ATF7IP2: variants seen among roughly 807,000 people sequenced by gnomAD.
ATF7IP2 encodes activating transcription factor 7 interacting protein 2.
ATF7IP2 carries 42 observed loss-of-function variants against 64.2 expected under a neutral mutation model. The ratio of observed to expected loss-of-function variants is 0.65; its 90% CI spans 0.51 to 0.85. ATF7IP2 has a LOEUF of 0.85. Ranked by LOEUF, ATF7IP2 falls within the 40% of genes least tolerant of loss-of-function variation. The probability of loss-of-function intolerance (pLI) is 0.00; values close to 1 mark genes in which losing one functional copy is unlikely to be tolerated. For missense variants in ATF7IP2, 933 were observed against 784.2 expected (o/e 1.19, Z -2.27); for synonymous variants, 308 against 272.8 (o/e 1.13, Z -1.27).
At chr16:10,393,004 G>T (rs1596416245) in intron 1 of ATF7IP2, among the ~76,000 whole-genome samples, 1 of 151,574 alleles carries the variant, frequency 6.6e-6, no homozygotes, top group South Asian at 2.1e-4. Context: ...AAAGAAAAAT[G>T]AAGTTTTAAA....
At chr16:10,478,026 A>C (rs1431934830) in intron 12 of ATF7IP2, among the ~76,000 whole-genome samples, 1 of 150,550 alleles carries the variant, frequency 6.6e-6, no homozygotes, top group Non-Finnish European at 1.5e-5. Context: ...ATGGAAGAAC[A>C]TTCCATGCTC....
chr16:10,434,993 C>T (rs1157758697), intron 6 of ATF7IP2, among the ~76,000 whole-genome samples: 2 of 152,178 alleles, frequency 1.3e-5, no homozygotes, highest in African/African-American at 2.4e-5. Context: ...TGGTCTTGAA[C>T]AGCAGTTTCA....
intron 8 of ATF7IP2, among the ~76,000 whole-genome samples, chr16:10,442,756 C>T (rs1274917115): frequency 1.3e-5 from 1 of 75,688 alleles, no homozygotes; most frequent in East Asian, 6.3e-4. Context: ...ATATCTAGTG[C>T]CATTCTATTT....
chr16:10,416,444 G>T (rs2047879717), intron 2 of ATF7IP2, among the ~76,000 whole-genome samples: 1 of 152,090 alleles, frequency 6.6e-6, no homozygotes, highest in African/African-American at 2.4e-5. Context: ...ACCATAGGCT[G>T]GGAAAGGTAT....
intron 2 of ATF7IP2, among the ~76,000 whole-genome samples, chr16:10,417,473 A>C (rs1476064061): frequency 6.6e-5 from 10 of 152,232 alleles, no homozygotes; most frequent in Admixed American, 6.5e-4. Flanking sequence ...AAAGCAGTAA[A>C]GAAAGACAAA....
intron 5 of ATF7IP2, among the ~76,000 whole-genome samples, chr16:10,432,753 T>C (rs949221297): frequency 7.9e-5 from 12 of 152,126 alleles, no homozygotes; most frequent in Non-Finnish European, 5.9e-5. Flanking sequence ...GCACCTATTA[T>C]TATTATCGCA....
At chr16:10,444,704 A>AT (rs1462080393) in intron 8 of ATF7IP2, among the ~76,000 whole-genome samples, 1 of 152,102 alleles carries the variant, frequency 6.6e-6, no homozygotes, top group African/African-American at 2.4e-5. Context: ...AGTTTGGTTC[A>AT]TTTTTTTCTA....
Position 10,436,096 on chromosome 16 carries a change from C to T in ATF7IP2, c.961-2005C>T, listed in dbSNP as rs12924325. ...ATAGTATTGGCCGGGCGTGGTGGCT[C>T]ACGCTTATAATCCTAGCACTTTGGG... On this transcript the variant is annotated intron_variant, in intron 6 of 13. Transcript: ENST00000562102. 6.7e-3 allele frequency among the ~76,000 whole-genome samples: 1,026 copies of T among 152,282 alleles called. 7 individuals carry two copies. Among genetic ancestry groups the T allele is most frequent in the Non-Finnish European group, 9.8e-3 (669 of 68,026 alleles).
intron 3 of ATF7IP2, among the ~76,000 whole-genome samples, chr16:10,422,141 A>G (rs952484303): frequency 2.0e-5 from 3 of 152,138 alleles, no homozygotes; most frequent in Non-Finnish European, 4.4e-5. Flanking sequence ...CCTTTTTCTA[A>G]TTGTTCAGTA....
At chr16:10,433,237 A>T (rs1014518779) in intron 5 of ATF7IP2, among the ~76,000 whole-genome samples, 3 of 152,064 alleles carry the variant, frequency 2.0e-5, no homozygotes, top group African/African-American at 7.2e-5. Context: ...AGAGTGCAGT[A>T]GTCAAGGTGC....
intron 10 of ATF7IP2, among the ~76,000 whole-genome samples, chr16:10,473,241 A>G (rs1398245160): frequency 6.6e-6 from 1 of 152,230 alleles, no homozygotes; most frequent in Non-Finnish European, 1.5e-5. Flanking sequence ...GATTTTCAAA[A>G]AAAGAGTTAC....
At chr16:10,406,950 T>C (rs1176938821) in intron 1 of ATF7IP2, among the ~76,000 whole-genome samples, 1 of 151,954 alleles carries the variant, frequency 6.6e-6, no homozygotes, top group Non-Finnish European at 1.5e-5. Flanking sequence ...CACATAAAAA[T>C]AAATAAAATT....
intron 1 of ATF7IP2, among the ~76,000 whole-genome samples, chr16:10,412,849 G>T (rs1182987951): frequency 6.6e-6 from 1 of 152,046 alleles, no homozygotes; most frequent in African/African-American, 2.4e-5. Flanking sequence ...TCCAGTGTTA[G>T]GTACTTATAT....
At chr16:10,432,827 A>G (rs2048301920) in intron 5 of ATF7IP2, among the ~76,000 whole-genome samples, 1 of 152,138 alleles carries the variant, frequency 6.6e-6, no homozygotes, top group Non-Finnish European at 1.5e-5. Context: ...GCACTGAGCC[A>G]AGATCGTGCC....
chr16:10,439,793 CAA>C (rs2048550923), intron 7 of ATF7IP2, among the ~76,000 whole-genome samples: 1 of 151,610 alleles, frequency 6.6e-6, no homozygotes, highest in Admixed American at 6.6e-5. Context: ...CTCGGCTTCC[CAA>C]AGTGCTGGAA....
chr16:10,481,912 G>T lies in ATF7IP2; in HGVS notation c.1712G>T (p.Arg571Leu). 3 of 1,613,886 alleles carry T rather than the reference G, an allele frequency of 1.9e-6. No homozygotes were observed. Among genetic ancestry groups the T allele is most frequent in the Non-Finnish European group, 2.5e-6 (3 of 1,179,958 alleles). ...CTACCTGAATTAGTAGACAAAACCC[G>T]AGACACACTTCCTCCCCAGAAGCCT... is the stretch of plus-strand genomic sequence containing the variant. ...APLPELVDKT[R>L]DTLPPQKPEL... The change falls in exon 14 of 14, where the codon CGA becomes CTA. Residue 571 changes from arginine (R) to leucine (L), a missense_variant. By Grantham distance (102) the Arg-to-Leu change is moderately radical. Coordinates refer to ENST00000562102, the MANE Select transcript of ATF7IP2 (RefSeq NM_001393719.1).
At chr16:10,412,751 C>T (rs2047797086) in intron 1 of ATF7IP2, among the ~76,000 whole-genome samples, 1 of 152,120 alleles carries the variant, frequency 6.6e-6, no homozygotes, top group African/African-American at 2.4e-5. Context: ...TCTTAATGAC[C>T]TGCCTAGTGC....
intron 8 of ATF7IP2, among the ~76,000 whole-genome samples, chr16:10,443,106 C>T (rs1418320954): frequency 6.6e-6 from 1 of 152,116 alleles, no homozygotes; most frequent in Non-Finnish European, 1.5e-5. Context: ...AAGTACTGCT[C>T]CAGTTATTTG....
At chr16:10,475,722 G>GAAAAAAAAAAA (rs386384218) in intron 12 of ATF7IP2, among the ~76,000 whole-genome samples, 23 of 41,608 alleles carry the variant, frequency 5.5e-4, no homozygotes, top group East Asian at 8.1e-4. Context: ...TAAGAAGCCA[G>GAAAAAAAAAAA]AAAAAAAAAA....
Sources: allele counts gnomAD v4.1 joint callset (sites outside exome capture counted in the v4.1 genomes callset), GRCh38; gene constraint gnomAD v4.1.1; transcripts MANE v1.5; gene names NCBI Gene and HGNC (gene_info 2026-07-23, HGNC 2026-07-21).